Variants in CEP95 observed in about 807,000 individuals in gnomAD.
CEP95 encodes the protein centrosomal protein 95.
In CEP95, 98 loss-of-function variants were observed where a neutral mutation model predicts 111.2. The observed-to-expected ratio is 0.88, with a 90% confidence interval of 0.75 to 1.04. The LOEUF (loss-of-function observed/expected upper bound fraction) is 1.04, where lower values mean the gene tolerates loss of function less well. Among genes scored for constraint, CEP95 ranks in the 50% least tolerant of loss-of-function variants. The probability of loss-of-function intolerance (pLI) is 0.00; values close to 1 mark genes in which losing one functional copy is unlikely to be tolerated. For synonymous variants in CEP95, 323 were observed against 327.1 expected, an observed-to-expected ratio of 0.99 and a Z score of 0.14; for missense variants, 1,027 against 977.2, an observed-to-expected ratio of 1.05 and a Z score of -0.68.
chr17:64,510,007 C>G (rs1002192438), intron 2 of CEP95, among the ~76,000 whole-genome samples, 166 bp from the exon 3 acceptor site: 165 of 152,092 alleles, frequency 1.1e-3, no homozygotes, highest in African/African-American at 3.9e-3. Flanking sequence ...AAAGATTCTG[C>G]TGTGTAGAGT....
Position 64,527,206 on chromosome 17 carries a change from GAC to G in CEP95, c.1251_1252del (p.Leu418ValfsTer5). 1 of 1,613,668 alleles carries G rather than the reference GAC, an allele frequency of 6.2e-7. No homozygotes were observed. The highest frequency in any genetic ancestry group is 8.5e-7 in the Non-Finnish European group (1 of 1,179,668). On this transcript the variant is annotated frameshift_variant, in exon 11 of 20. Transcript: ENST00000556440. LOFTEE classifies it high-confidence loss of function. ...AGGAGGTAGAGGATGGAACTGAGGA[GAC>G]ACTGTCTCAGCACAGTGATGGCATC... is the stretch of plus-strand genomic sequence containing the variant. ...NEEVEDGTEE[T>X]LSQHSDGIVE...
chr17:64,519,371 C>G lies in CEP95; in HGVS notation c.524C>G (p.Ala175Gly), dbSNP rs1281336057. 7 of 1,613,688 alleles carry G rather than the reference C, an allele frequency of 4.3e-6. No homozygotes were observed. Among genetic ancestry groups the G allele is most frequent in the Non-Finnish European group, 5.9e-6 (7 of 1,179,722 alleles). Reference protein sequence around the residue: ...MLGPSWDGDEAESTGEIIRLG... With the variant: ...MLGPSWDGDEGESTGEIIRLG... ...GGCCCCTCTTGGGATGGAGATGAAGCAGAATCCACTGGTGAAATCATTAGA... is the reference window on the plus strand; with the variant it reads ...GGCCCCTCTTGGGATGGAGATGAAGGAGAATCCACTGGTGAAATCATTAGA... The change falls in exon 6 of 20, where the codon GCA becomes GGA. Residue 175 changes from alanine (A) to glycine (G), a missense_variant. Transcript: ENST00000556440.
intron 11 of CEP95, among the ~76,000 whole-genome samples, chr17:64,527,884 A>AGCAC (rs1967972979): frequency 7.0e-6 from 1 of 143,754 alleles, no homozygotes; most frequent in East Asian, 2.1e-4. Context: ...ATATATATAT[A>AGCAC]TATATATACA....
intron 1 of CEP95, 91 bp from the exon 2 acceptor site, chr17:64,508,501 G>C: frequency 6.5e-6 from 8 of 1,224,478 alleles, no homozygotes; most frequent in Non-Finnish European, 6.2e-6. Context: ...GTCTGTTTTT[G>C]TTGGGGGGGA....
Position 64,537,902 on chromosome 17 carries a change from T to C in CEP95, c.*123T>C. 2.1e-6 allele frequency: 1 copy of C among 484,156 alleles called. No homozygotes were observed. Among genetic ancestry groups the C allele is most frequent in the Non-Finnish European group, 3.4e-6 (1 of 298,202 alleles). The allele number at this position is 484,156 out of a possible 1,614,324, so 30.0% of individuals were successfully genotyped here. A position where few individuals can be genotyped will look rare whatever the true frequency, so the allele number is the denominator to read the frequency against. ...TCAAATGCTTTACCTGTATTTTCAT[T>C]CCAGTACTTTTTATGATTTTTTAAA... On this transcript the variant is annotated 3_prime_UTR_variant, in exon 20 of 20. Coordinates refer to ENST00000556440, the MANE Select transcript of CEP95 (RefSeq NM_138363.3).
At chr17:64,527,852 ATGTG>A (rs377056119) in intron 11 of CEP95, among the ~76,000 whole-genome samples, 13,774 of 132,948 alleles carry the variant, frequency 0.1, 1,130 homozygotes, top group African/African-American at 0.26. Flanking sequence ...GTGCCACTTA[ATGTG>A]TGTGTGTGTG....
chr17:64,530,393 A>G (rs1555680020), intron 12 of CEP95, among the ~76,000 whole-genome samples: 1 of 152,130 alleles, frequency 6.6e-6, no homozygotes, highest in Non-Finnish European at 1.5e-5. Flanking sequence ...AAAACAAAAC[A>G]AGAAAACCAT....
intron 7 of CEP95, 39 bp downstream of exon 7, chr17:64,521,566 T>C (rs1555677863): frequency 1.3e-6 from 2 of 1,590,582 alleles, no homozygotes; most frequent in Non-Finnish European, 1.7e-6. Flanking sequence ...CTGCTGATGA[T>C]CATTCTTGGG....
intron 11 of CEP95, among the ~76,000 whole-genome samples, chr17:64,527,980 A>C (rs1967991518): frequency 6.6e-6 from 1 of 151,694 alleles, no homozygotes; most frequent in Non-Finnish European, 1.5e-5. Context: ...AAAATTCTGC[A>C]ATGAACAGCC....
rs1555681598 is a variant in CEP95 at position 64,536,682 on chromosome 17, G to C, written c.2151G>C (p.Lys717Asn). The C allele has an allele frequency of 2.5e-6, 4 of 1,613,492 alleles. No individual in the cohort carries two copies. Among genetic ancestry groups the C allele is most frequent in the Non-Finnish European group, 3.4e-6 (4 of 1,179,712 alleles). Residue 717 changes from lysine (K) to asparagine (N), a missense_variant, in exon 18 of 20, where the codon AAG becomes AAC. Lys to Asn is a moderately conservative substitution (Grantham distance 94). Transcript: ENST00000556440. ...LRDLRNYAKE[K>N]RDEQRRRHQD... is the part of the protein sequence containing the mutation. ...ACCTAAGAAACTATGCCAAAGAAAA[G>C]CGAGATGAACAAAGGAGACGCCACC... is the stretch of plus-strand genomic sequence containing the variant.
chr17:64,514,878 A>G (rs1243474150), intron 4 of CEP95: 2 of 156,232 alleles, frequency 1.3e-5, no homozygotes, highest in East Asian at 1.9e-4. Flanking sequence ...ATGGAATAAT[A>G]TATTACCTGT....
chr17:64,507,433 G>A, intron 1 of CEP95: 1 of 1,348,084 alleles, frequency 7.4e-7, no homozygotes, highest in East Asian at 3.0e-5. Flanking sequence ...TCTAGCCGCT[G>A]TCCGTGTGCC....
chr17:64,512,173 T>C (rs1251390872), intron 3 of CEP95, among the ~76,000 whole-genome samples: 5 of 152,312 alleles, frequency 3.3e-5, no homozygotes, highest in African/African-American at 9.6e-5. Context: ...ATAATGGTAA[T>C]GTGCAGAGTA....
chr17:64,537,680 G>C lies in CEP95; in HGVS notation c.2367G>C (p.Gln789His). The C allele has an allele frequency of 6.2e-7, 1 of 1,613,518 alleles. No individual in the cohort carries two copies. Among genetic ancestry groups the C allele is most frequent in the Non-Finnish European group, 8.5e-7 (1 of 1,179,670 alleles). ...AGCAGCTGCAGGACATGATAACACA[G>C]AATGATGATGATGTTTTCTTCCGGG... ...EIQQLQDMIT[Q>H]NDDDVFFREL... The change falls in exon 20 of 20, where the codon CAG becomes CAC. Residue 789 changes from glutamine (Q) to histidine (H), a missense_variant. Coordinates refer to ENST00000556440, the MANE Select transcript of CEP95 (RefSeq NM_138363.3).
chr17:64,533,102 A>C lies in CEP95; in HGVS notation c.1843-15A>C, dbSNP rs781792649. On this transcript the variant is annotated splice_polypyrimidine_tract_variant and intron_variant, in intron 15 of 19. Transcript: ENST00000556440. ...CAGCATTATTAACCTACTTAACTTCATGTCCCCCTTCAAGATAGAAGAAGC... is the reference window on the plus strand; with the variant it reads ...CAGCATTATTAACCTACTTAACTTCCTGTCCCCCTTCAAGATAGAAGAAGC... 4.4e-6 allele frequency: 7 copies of C among 1,606,946 alleles called. No homozygotes were observed. In the East Asian group the frequency reaches 1.6e-4, roughly 36 times the overall value.
chr17:64,508,437 A>G, intron 1 of CEP95, 155 bp from the exon 2 acceptor site: 1 of 1,147,496 alleles, frequency 8.7e-7, no homozygotes. Context: ...CCATGCCTAA[A>G]GGGTCTTTGA....
At chr17:64,508,431 G>A (rs928759590) in intron 1 of CEP95, 161 bp from the exon 2 acceptor site, 23 of 984,570 alleles carry the variant, frequency 2.3e-5, no homozygotes, top group Non-Finnish European at 2.5e-5. Flanking sequence ...TAAAAACCAT[G>A]CCTAAAGGGT....
chr17:64,527,864 G>GTATA (rs1241845474), intron 11 of CEP95, among the ~76,000 whole-genome samples: 4 of 131,792 alleles, frequency 3.0e-5, no homozygotes, highest in African/African-American at 1.2e-4. Context: ...GTGTGTGTGT[G>GTATA]TGTGTGTATA....
chr17:64,531,977 CAG>C lies in CEP95; in HGVS notation c.1630_1631del (p.Leu545LysfsTer9). ...GATTTACTCTAGAAAAACCACAACG[CAG>C]AGTCTAAGAGGTGGCCTCCCAAAGC... ...WKIYSRKTTT[Q>X]SLRGGLPKPN... On this transcript the variant is annotated frameshift_variant, in exon 14 of 20. Coordinates refer to ENST00000556440, the MANE Select transcript of CEP95 (RefSeq NM_138363.3). LOFTEE classifies it high-confidence loss of function. 3 of 1,610,550 alleles carry C rather than the reference CAG, an allele frequency of 1.9e-6. No homozygotes were observed. The highest frequency in any genetic ancestry group is 2.5e-6 in the Non-Finnish European group (3 of 1,179,014).
Sources: allele counts gnomAD v4.1 joint callset (sites outside exome capture counted in the v4.1 genomes callset), GRCh38; gene constraint gnomAD v4.1.1; transcripts MANE v1.5; gene names NCBI Gene and HGNC (gene_info 2026-07-23, HGNC 2026-07-21).